NUMBL: variants seen among roughly 807,000 people sequenced by gnomAD.
NUMBL encodes numb-like protein.
In NUMBL, 20 loss-of-function variants were observed where a neutral mutation model predicts 48.9. The observed-to-expected ratio is 0.41, with a 90% CI of 0.29 to 0.59. NUMBL has a LOEUF of 0.59. Among genes scored for constraint, NUMBL ranks in the 20% least tolerant of loss-of-function variants. NUMBL has a pLI of 0.31. For missense variants in NUMBL, 660 were observed against 846.2 expected, an observed-to-expected ratio of 0.78 and a Z score of 2.73; for synonymous variants, 340 against 348.7, an observed-to-expected ratio of 0.98 and a Z score of 0.28.
intron 8 of NUMBL, 72 bp from the exon 9 acceptor site, chr19:40,670,092 G>A (rs1038572567): frequency 9.8e-6 from 15 of 1,529,190 alleles, no homozygotes; most frequent in Admixed American, 4.1e-5. Flanking sequence ...TCTACCCCCC[G>A]CCCTCGGTGG....
chr19:40,689,762 G>C (rs1428173487), intron 1 of NUMBL, among the ~76,000 whole-genome samples: 3 of 152,154 alleles, frequency 2.0e-5, no homozygotes. Context: ...GGGTGGCCTA[G>C]GGATCCTGTG....
Position 40,667,385 on chromosome 19 carries a change from G to A in NUMBL, c.*83C>T. On this transcript the variant is annotated 3_prime_UTR_variant, in exon 10 of 10. Transcript: ENST00000252891. This position sits in a 1 kb window ranked among gnomAD's most constrained non-coding sequence, Gnocchi z 6.1. ...AGGGTGTTGAGGGGCGCAGCCCCAG[G>A]GAGCAGGGTTAGGGGAGAGGTTGTG... 5.8e-6 allele frequency: 9 copies of A among 1,539,338 alleles called. No homozygotes were observed. In the South Asian group the frequency reaches 1.1e-4, roughly 19 times the overall value.
chr19:40,672,911 T>C (rs1419882962), intron 8 of NUMBL, among the ~76,000 whole-genome samples: 2 of 152,136 alleles, frequency 1.3e-5, no homozygotes, highest in Non-Finnish European at 2.9e-5. Context: ...CATTAACCTG[T>C]AGTGCTTCAG....
intron 7 of NUMBL, among the ~76,000 whole-genome samples, chr19:40,674,674 T>C (rs576425074): frequency 1.3e-5 from 2 of 152,062 alleles, no homozygotes; most frequent in African/African-American, 4.8e-5. Context: ...CCAGGACAGG[T>C]TGGAACCAGG....
chr19:40,678,443 G>A (rs952628598), intron 6 of NUMBL, among the ~76,000 whole-genome samples: 7 of 152,144 alleles, frequency 4.6e-5, no homozygotes, highest in African/African-American at 9.7e-5. Context: ...GGTTACAGGC[G>A]TGAGCCACCA....
At chr19:40,668,283 G>A (rs1018898400) in intron 9 of NUMBL, 145 bp from the exon 10 acceptor site, 10 of 1,383,898 alleles carry the variant, frequency 7.2e-6, no homozygotes, top group African/African-American at 4.4e-5. Flanking sequence ...TGCACCTCCC[G>A]AGCTTGCTGA....
In NUMBL at chr19:40,667,375, G is replaced by A. The variant is rs564862599; in HGVS notation, c.*93C>T. The A allele has an allele frequency of 8.6e-6, 13 of 1,510,816 alleles. No homozygotes were observed. Among genetic ancestry groups the A allele is most frequent in the African/African-American group, 4.1e-5 (3 of 72,422 alleles). The allele number at this position is 1,510,816 out of a possible 1,614,324, so 93.6% of individuals were successfully genotyped here. Reference sequence around the variant, plus strand: ...GGGTGTTGAGAGGGTGTTGAGGGGCGCAGCCCCAGGGAGCAGGGTTAGGGG... The same window carrying A: ...GGGTGTTGAGAGGGTGTTGAGGGGCACAGCCCCAGGGAGCAGGGTTAGGGG... On this transcript the variant is annotated 3_prime_UTR_variant, in exon 10 of 10. Coordinates refer to ENST00000252891, the MANE Select transcript of NUMBL (RefSeq NM_004756.5). The surrounding 1 kb of genome is among the most constrained non-coding windows in gnomAD (Gnocchi z 6.1).
At chr19:40,690,279 C>T (rs1342049149) in intron 1 of NUMBL, 181 bp downstream of exon 1, 2 of 379,008 alleles carry the variant, frequency 5.3e-6, no homozygotes, top group East Asian at 3.9e-5. Context: ...GGGGTCTGTG[C>T]CCAAGACCCC....
At chr19:40,675,549 T>G (rs1349066300) in intron 7 of NUMBL, among the ~76,000 whole-genome samples, 3 of 148,768 alleles carry the variant, frequency 2.0e-5, no homozygotes, top group Non-Finnish European at 1.5e-5. Context: ...ATATGGTGAC[T>G]CAGGACATAC....
chr19:40,673,444 G>C lies in NUMBL; in HGVS notation c.936C>G (p.Leu312=). 6.2e-7 allele frequency: 1 copy of C among 1,611,656 alleles called. No individual in the cohort carries two copies. The highest frequency in any genetic ancestry group is 8.5e-7 in the Non-Finnish European group (1 of 1,178,870). ...GTTTGAAAGGCGAGTTCTTCTGGCT[G>C]AGTGCTGGGAACCCACGGAAGGAGC... is the stretch of plus-strand genomic sequence containing the variant. ...RQGSFRGFPA[L]SQKNSPFKRQ... The change falls in exon 8 of 10, where the codon CTC becomes CTG. Residue 312 remains leucine, a synonymous_variant. Coordinates refer to ENST00000252891, the MANE Select transcript of NUMBL (RefSeq NM_004756.5). The surrounding 1 kb of genome is among the most constrained non-coding windows in gnomAD (Gnocchi z 5.9).
At chr19:40,670,432 G>C (rs764339574) in intron 8 of NUMBL, among the ~76,000 whole-genome samples, 1 of 152,200 alleles carries the variant, frequency 6.6e-6, no homozygotes, top group Admixed American at 6.5e-5. Context: ...GCTTTGGGCA[G>C]AGAAGTGGGG....
intron 6 of NUMBL, 122 bp from the exon 7 acceptor site, chr19:40,677,543 G>T: frequency 1.2e-6 from 1 of 806,528 alleles, no homozygotes; most frequent in Non-Finnish European, 1.9e-6. Flanking sequence ...ACTTCTCTGG[G>T]CCTCAGTGCT....
At chr19:40,685,850 T>C (rs2081931565) in intron 2 of NUMBL, 2 of 153,332 alleles carry the variant, frequency 1.3e-5, no homozygotes, top group Admixed American at 1.3e-4. Context: ...ACTGTGGCTG[T>C]TGCCTTAGAG....
At position 40,673,588 on chromosome 19, in the gene NUMBL, C is replaced by T. The variant is rs762645247; in HGVS notation, c.792G>A (p.Pro264=). The T allele has an allele frequency of 2.5e-5, 39 of 1,537,734 alleles. No individual in the cohort carries two copies. The highest frequency in any genetic ancestry group is 2.0e-4 in the Admixed American group (10 of 50,224). Residue 264 remains proline (P), a synonymous_variant, in exon 8 of 10, where the codon CCG becomes CCA. Coordinates refer to ENST00000252891, the MANE Select transcript of NUMBL (RefSeq NM_004756.5). The surrounding 1 kb of genome is among the most constrained non-coding windows in gnomAD (Gnocchi z 5.9). ...CACCAGGGGATGTGGTGGCTGGTGT[C>T]GGGGACACGTGCCCAGGCTGGGCAG... ...PGPAQPGHVS[P]TPATTSPGEK...
intron 3 of NUMBL, among the ~76,000 whole-genome samples, chr19:40,683,876 C>G (rs1568431490): frequency 6.6e-6 from 1 of 151,064 alleles, no homozygotes; most frequent in Non-Finnish European, 1.5e-5. Context: ...TTCCTGGACT[C>G]GAGTGAGCCT....
chr19:40,685,825 C>T (rs887327607), intron 2 of NUMBL: 3 of 153,406 alleles, frequency 2.0e-5, no homozygotes, highest in African/African-American at 2.4e-5. Context: ...CAGCTGTTGG[C>T]GGTGAGCCTG....
At chr19:40,677,563 C>T in intron 6 of NUMBL, 142 bp from the exon 7 acceptor site, 1 of 692,502 alleles carries the variant, frequency 1.4e-6, no homozygotes, top group Non-Finnish European at 2.4e-6. Flanking sequence ...TCATCTGCAC[C>T]ACAAGGAAGG....
At position 40,687,674 on chromosome 19, in the gene NUMBL, C is replaced by T. The variant is rs773874568; in HGVS notation, c.25-679G>A. On this transcript the variant is annotated intron_variant, in intron 1 of 9. Coordinates refer to ENST00000252891, the MANE Select transcript of NUMBL (RefSeq NM_004756.5). This position sits in a 1 kb window ranked among gnomAD's most constrained non-coding sequence, Gnocchi z 4.6. Reference sequence around the variant, plus strand: ...CCAGTGACAGCTATGTTTCCTCAGGCACCCGCCCAAGATACTGACGTCACA... The same window carrying T: ...CCAGTGACAGCTATGTTTCCTCAGGTACCCGCCCAAGATACTGACGTCACA... 6.4e-4 allele frequency among the ~76,000 whole-genome samples: 97 copies of T among 152,188 alleles called. No homozygotes were observed. The highest frequency in any genetic ancestry group is 2.1e-3 in the Admixed American group (32 of 15,282).
intron 7 of NUMBL, among the ~76,000 whole-genome samples, chr19:40,675,747 GCA>G (rs148549602): frequency 4.6e-4 from 66 of 144,694 alleles, no homozygotes; most frequent in Non-Finnish European, 7.6e-4. Context: ...ACACACGCGT[GCA>G]CACACACACA....
Sources: gnomAD v4.1 joint callset for allele counts (sites outside exome capture counted in the v4.1 genomes callset) on GRCh38, gnomAD v4.1.1 for gene constraint, Gnocchi (gnomAD v3.1) non-coding constraint, MANE v1.5 for transcripts, NCBI Gene and HGNC (gene_info 2026-07-23, HGNC 2026-07-21) for gene names.